The following C8orf89 variants were observed in gnomAD, a reference collection of about 807,000 sequenced individuals.
C8orf89 encodes chromosome 8 open reading frame 89, also known as putative uncharacterized protein C8orf89.
In C8orf89, 14 loss-of-function variants were observed where a neutral mutation model predicts 15.8. That is an observed-to-expected ratio of 0.89 (90% CI 0.59 to 1.39). C8orf89 has a LOEUF of 1.39. C8orf89 is among the 40% of genes most tolerant of loss of function. C8orf89 has a pLI of 0.00. For synonymous variants in C8orf89, 55 were observed against 62.2 expected (o/e 0.88, Z 0.54); for missense variants, 181 against 184.5 (o/e 0.98, Z 0.11).
At chr8:73,277,892 A>C in the C8orf89 span, 1 of 688,798 alleles carries the variant, frequency 1.5e-6, no homozygotes, top group Non-Finnish European at 2.8e-6. Flanking sequence ...TTTCAGGTCT[A>C]TATCCTCCAG....
At chr8:73,270,112 G>C in the C8orf89 span, among the ~76,000 whole-genome samples, 2 of 151,990 alleles carry the variant, frequency 1.3e-5, no homozygotes, top group East Asian at 3.9e-4. Flanking sequence ...ATCATTGAGT[G>C]AAATGAAAAA....
At chr8:73,265,882 T>A in the C8orf89 span, among the ~76,000 whole-genome samples, 6 of 152,200 alleles carry the variant, frequency 3.9e-5, no homozygotes, top group African/African-American at 1.2e-4. Flanking sequence ...GAAACCTGGA[T>A]GCCAACATGG....
intron 3 of C8orf89, among the ~76,000 whole-genome samples, chr8:73,248,864 T>C (rs1813185574): frequency 6.6e-6 from 1 of 152,210 alleles, no homozygotes; most frequent in African/African-American, 2.4e-5. Context: ...GTTTTCTGGA[T>C]ATAGGATCAT....
In C8orf89 at chr8:73,241,449, G is replaced by C. The variant is rs1014050965; in HGVS notation, c.*8C>G. 18 of 1,519,248 alleles carry C rather than the reference G, an allele frequency of 1.2e-5. No homozygotes were observed. Among genetic ancestry groups the C allele is most frequent in the Non-Finnish European group, 1.6e-5 (18 of 1,137,762 alleles). 94.1% of individuals were successfully genotyped at this position (1,519,248 alleles called of 1,614,324 possible). A position where few individuals can be genotyped will look rare whatever the true frequency, so the allele number is the denominator to read the frequency against. ...CACTGAAGAAAGCATCACACTGTAC[G>C]ACATTTTTCAGCGGTCTCGGAGGTC... On this transcript the variant is annotated 3_prime_UTR_variant, in exon 4 of 4. Transcript: ENST00000624510.
the C8orf89 span, among the ~76,000 whole-genome samples, chr8:73,275,737 T>C: frequency 3.3e-5 from 5 of 152,212 alleles, no homozygotes; most frequent in South Asian, 1.0e-3. Context: ...TAATTCTTTA[T>C]ATGTTATATA....
chr8:73,248,364 C>G (rs1813172177), intron 3 of C8orf89, among the ~76,000 whole-genome samples: 1 of 152,036 alleles, frequency 6.6e-6, no homozygotes, highest in Non-Finnish European at 1.5e-5. Context: ...GGTTTGAAGT[C>G]AGGTTGTGTG....
At chr8:73,263,503 G>A (rs1237977917), upstream of C8orf89, among the ~76,000 whole-genome samples, 3 of 152,098 alleles carry the variant, frequency 2.0e-5, no homozygotes, top group African/African-American at 7.2e-5. Context: ...GACAGAGAGA[G>A]ACTTCATCTC....
At chr8:73,280,249 C>A in the C8orf89 span, among the ~76,000 whole-genome samples, 1 of 152,228 alleles carries the variant, frequency 6.6e-6, no homozygotes, top group Non-Finnish European at 1.5e-5. Flanking sequence ...CATAAATTAT[C>A]TTTTACTCAG....
the C8orf89 span, among the ~76,000 whole-genome samples, chr8:73,264,560 G>A: frequency 3.3e-5 from 5 of 152,078 alleles, no homozygotes; most frequent in South Asian, 2.1e-4. Context: ...GCGCGATCTC[G>A]GCTCACTACA....
the C8orf89 span, among the ~76,000 whole-genome samples, chr8:73,283,688 C>G: frequency 6.6e-6 from 1 of 152,308 alleles, no homozygotes; most frequent in East Asian, 1.9e-4. Context: ...GTGCCTACAT[C>G]TGACTTAGCA....
upstream of C8orf89, among the ~76,000 whole-genome samples, chr8:73,259,658 A>G (rs901701648): frequency 6.6e-6 from 1 of 152,232 alleles, no homozygotes; most frequent in Admixed American, 6.5e-5. Context: ...AGTAAAGTCC[A>G]ATAGCAAGTT....
At chr8:73,249,367 T>C (rs1813197830) in intron 3 of C8orf89, among the ~76,000 whole-genome samples, 1 of 152,190 alleles carries the variant, frequency 6.6e-6, no homozygotes, top group Non-Finnish European at 1.5e-5. Context: ...TCAGGGATAT[T>C]GACCTGTGGT....
chr8:73,253,452 GT>G (rs1245134318), intron 2 of C8orf89, among the ~76,000 whole-genome samples: 3 of 151,992 alleles, frequency 2.0e-5, no homozygotes, highest in African/African-American at 4.8e-5. Context: ...CTTTAAAGTA[GT>G]TTTTTCCAAT....
chr8:73,267,852 T>C, the C8orf89 span, among the ~76,000 whole-genome samples: 1 of 152,158 alleles, frequency 6.6e-6, no homozygotes, highest in Admixed American at 6.5e-5. Context: ...GGAGAAAAAC[T>C]GATGTTTCCT....
At chr8:73,285,402 T>C in the C8orf89 span, among the ~76,000 whole-genome samples, 1 of 152,190 alleles carries the variant, frequency 6.6e-6, no homozygotes, top group Admixed American at 6.5e-5. Flanking sequence ...TGCTCAGATG[T>C]TTCTGCCAGC....
the C8orf89 span, among the ~76,000 whole-genome samples, chr8:73,285,831 C>A: frequency 3.9e-5 from 6 of 152,326 alleles, no homozygotes; most frequent in Non-Finnish European, 8.8e-5. Flanking sequence ...CAGGTGGCCG[C>A]GAGCTCCCAC....
chr8:73,270,222 C>G, the C8orf89 span, among the ~76,000 whole-genome samples: 1 of 152,038 alleles, frequency 6.6e-6, no homozygotes, highest in African/African-American at 2.4e-5. Flanking sequence ...TGCCCATGCA[C>G]CCCCATCCCA....
chr8:73,258,803 G>A (rs919468873), intron 1 of C8orf89, among the ~76,000 whole-genome samples: 7 of 151,858 alleles, frequency 4.6e-5, no homozygotes, highest in African/African-American at 1.7e-4. Context: ...GCTAATTTTT[G>A]TGTTTTTTGT....
chr8:73,244,016 G>C (rs1208262676), intron 3 of C8orf89, among the ~76,000 whole-genome samples: 1 of 152,044 alleles, frequency 6.6e-6, no homozygotes, highest in Non-Finnish European at 1.5e-5. Flanking sequence ...GGACAACTGT[G>C]AGATTTATTT....
Sources: gnomAD v4.1 joint callset for allele counts (sites outside exome capture counted in the v4.1 genomes callset) on GRCh38, gnomAD v4.1.1 for gene constraint, MANE v1.5 for transcripts, NCBI Gene and HGNC (gene_info 2026-07-23, HGNC 2026-07-21) for gene names.